The following FXYD6 variants were observed in gnomAD, a reference collection of about 807,000 sequenced individuals.
The protein encoded by FXYD6 is FXYD domain-containing ion transport regulator 6.
In FXYD6, 7 loss-of-function variants were observed where a neutral mutation model predicts 16.7. The ratio of observed to expected loss-of-function variants is 0.42; its 90% CI spans 0.24 to 0.79. The LOEUF (loss-of-function observed/expected upper bound fraction) is 0.79, where lower values mean the gene tolerates loss of function less well. FXYD6 is among the 30% of genes least tolerant of loss of function. FXYD6 has a pLI of 0.28. For synonymous variants in FXYD6, 49 were observed against 43.0 expected, an observed-to-expected ratio of 1.14 and a Z score of -0.54; for missense variants, 111 against 116.2, an observed-to-expected ratio of 0.95 and a Z score of 0.21.
At position 117,842,798 on chromosome 11, in the gene FXYD6, G is replaced by A. The variant is rs2134138113; in HGVS notation, c.-5-17C>T. The A allele has an allele frequency of 6.4e-7, 1 of 1,553,716 alleles. No homozygotes were observed. Among genetic ancestry groups the A allele is most frequent in the Admixed American group, 2.0e-5 (1 of 50,906 alleles). ...CCATGGCGTCTGGGGACAGAGGGAG[G>A]AAAAAATGATTCTCTGGCTAAGAAG... On this transcript the variant is annotated splice_polypyrimidine_tract_variant and intron_variant, in intron 1 of 7. Coordinates refer to ENST00000526014, the MANE Select transcript of FXYD6 (RefSeq NM_022003.4).
At chr11:117,844,534 G>A (rs976734622) in intron 1 of FXYD6, among the ~76,000 whole-genome samples, 8 of 151,652 alleles carry the variant, frequency 5.3e-5, no homozygotes, top group Non-Finnish European at 5.9e-5. Context: ...TCCCTGTGTC[G>A]CCCAGGCTAG....
chr11:117,858,747 T>C (rs1349642895), intron 1 of FXYD6, among the ~76,000 whole-genome samples: 2 of 129,146 alleles, frequency 1.5e-5, no homozygotes, highest in African/African-American at 6.1e-5. Context: ...CTTCCTTCCT[T>C]CCTTCCTTCC....
At chr11:117,847,991 A>G (rs2056512684) in intron 1 of FXYD6, among the ~76,000 whole-genome samples, 1 of 152,116 alleles carries the variant, frequency 6.6e-6, no homozygotes, top group Admixed American at 6.5e-5. Context: ...ACAGTGTAAA[A>G]TGTTCCTATT....
In FXYD6 at chr11:117,839,714, C is replaced by T. The variant is rs2056291780; in HGVS notation, c.*21+67G>A. On this transcript the variant is annotated intron_variant, in intron 7 of 7. Transcript: ENST00000526014. ...GCTAGCCCCATCCTTCCCGCCTGAA[C>T]CCCTGTCCAGGCCCTGATGCAGACG... 5.0e-6 allele frequency: 8 copies of T among 1,598,184 alleles called. No homozygotes were observed. In the East Asian group the frequency reaches 1.8e-4, roughly 36 times the overall value.
intron 1 of FXYD6, among the ~76,000 whole-genome samples, chr11:117,844,480 AT>A (rs1219402369): frequency 6.6e-6 from 1 of 151,760 alleles, no homozygotes; most frequent in Non-Finnish European, 1.5e-5. Flanking sequence ...AAAAATATAT[AT>A]TTTTATTTTT....
chr11:117,838,071 C>G lies in FXYD6; in HGVS notation c.*228G>C. On this transcript the variant is annotated 3_prime_UTR_variant, in exon 8 of 8. Coordinates refer to ENST00000526014, the MANE Select transcript of FXYD6 (RefSeq NM_022003.4). ...CACACACACACACACACACACATCA[C>G]GGGAGGTGGGCAGGACCGCAGGCTG... 3.0e-6 allele frequency: 2 copies of G among 671,784 alleles called. No homozygotes were observed. Among genetic ancestry groups the G allele is most frequent in the South Asian group, 3.2e-5 (2 of 62,492 alleles). 41.6% of individuals were successfully genotyped at this position (671,784 alleles called of 1,614,324 possible).
Position 117,838,233 on chromosome 11 carries a change from A to G in FXYD6, c.*66T>C. ...AAGTGGCCGGTTTTCTTAAGCATCGACATTTGCATCCAAAGGTTCAAGCAG... is the reference window on the plus strand; with the variant it reads ...AAGTGGCCGGTTTTCTTAAGCATCGGCATTTGCATCCAAAGGTTCAAGCAG... On this transcript the variant is annotated 3_prime_UTR_variant, in exon 8 of 8. Transcript: ENST00000526014. 1.4e-6 allele frequency: 1 copy of G among 702,582 alleles called. No homozygotes were observed. The highest frequency in any genetic ancestry group is 2.6e-6 in the Non-Finnish European group (1 of 384,992). The allele number at this position is 702,582 out of a possible 1,614,324, so 43.5% of individuals were successfully genotyped here.
intron 7 of FXYD6, chr11:117,839,336 G>A (rs181143015): frequency 5.7e-6 from 1 of 175,416 alleles, no homozygotes; most frequent in Non-Finnish European, 1.2e-5. Context: ...GAGAGGGAAG[G>A]ATCATATACT....
chr11:117,853,847 G>A (rs1165491156), intron 1 of FXYD6, among the ~76,000 whole-genome samples: 1 of 152,028 alleles, frequency 6.6e-6, no homozygotes, highest in East Asian at 1.9e-4. Context: ...TGTTTGGTGT[G>A]GGGAGAGTAA....
At position 117,872,636 on chromosome 11, in the gene FXYD6, T is replaced by C. The variant is rs1334672249; in HGVS notation, c.-6+3956A>G. Reference sequence around the variant, plus strand: ...TGGCCCTCTCTGCCCACATCAGATATTCTGAGCTGGGGCAGCCCCATTCCC... The same window carrying C: ...TGGCCCTCTCTGCCCACATCAGATACTCTGAGCTGGGGCAGCCCCATTCCC... On this transcript the variant is annotated intron_variant, in intron 1 of 7. Transcript: ENST00000526014. The surrounding 1 kb of genome is among the most constrained non-coding windows in gnomAD (Gnocchi z 4.9). 6.6e-6 allele frequency among the ~76,000 whole-genome samples: 1 copy of C among 152,214 alleles called. No individual in the cohort carries two copies. The highest frequency in any genetic ancestry group is 2.4e-5 in the African/African-American group (1 of 41,444).
At position 117,842,046 on chromosome 11, in the gene FXYD6, T is replaced by C; in HGVS notation, c.59-18A>G. ...TTCAGCTGCTGCAAAAACAAACAGT[T>C]GGTCAAGAGAAAGAAAGCTACACAA... On this transcript the variant is annotated intron_variant, in intron 2 of 7. Coordinates refer to ENST00000526014, the MANE Select transcript of FXYD6 (RefSeq NM_022003.4). 6.2e-7 allele frequency: 1 copy of C among 1,614,104 alleles called. No individual in the cohort carries two copies. Among genetic ancestry groups the C allele is most frequent in the Non-Finnish European group, 8.5e-7 (1 of 1,180,018 alleles).
intron 1 of FXYD6, among the ~76,000 whole-genome samples, chr11:117,875,139 G>C (rs886323716): frequency 6.6e-6 from 1 of 151,970 alleles, no homozygotes; most frequent in Non-Finnish European, 1.5e-5. Flanking sequence ...GCGCATGTAG[G>C]GTGTCAGTGT....
chr11:117,857,086 G>C (rs1555046350), intron 1 of FXYD6, among the ~76,000 whole-genome samples: 1 of 152,224 alleles, frequency 6.6e-6, no homozygotes, highest in Non-Finnish European at 1.5e-5. Flanking sequence ...CCAGGGACAT[G>C]AGAGGGCAGG....
chr11:117,846,670 C>T (rs931159187), intron 1 of FXYD6, among the ~76,000 whole-genome samples: 5 of 152,210 alleles, frequency 3.3e-5, no homozygotes, highest in Admixed American at 6.5e-5. Context: ...TGTCACATAT[C>T]TGATTTCTAT....
At chr11:117,838,325 T>C in intron 7 of FXYD6, 48 bp from the exon 8 acceptor site, 2 of 702,376 alleles carry the variant, frequency 2.8e-6, no homozygotes, top group Non-Finnish European at 5.2e-6. Context: ...CTGCCTCTGG[T>C]ATCCTTATCT....
intron 2 of FXYD6, chr11:117,842,296 A>C: frequency 1.7e-6 from 1 of 586,096 alleles, no homozygotes; most frequent in Non-Finnish European, 3.0e-6. Context: ...TTGTATTCTT[A>C]CATCATCCCC....
upstream of FXYD6, chr11:117,876,724 C>T (rs1463399039): frequency 8.0e-6 from 1 of 125,646 alleles, no homozygotes; most frequent in Non-Finnish European, 1.7e-5. Flanking sequence ...TCCTAGGAGT[C>T]GGGCTGGCTG....
chr11:117,862,486 C>T lies in FXYD6; in HGVS notation c.-6+14106G>A, dbSNP rs745454849. Reference sequence around the variant, plus strand: ...TGTTCCTGGGAGAAAACAACTCACGCCCTTCCCTGGCTACAGGGCCGCTGC... The same window carrying T: ...TGTTCCTGGGAGAAAACAACTCACGTCCTTCCCTGGCTACAGGGCCGCTGC... On this transcript the variant is annotated intron_variant, in intron 1 of 7. Transcript: ENST00000526014. Among the ~76,000 whole-genome samples, 88 of 152,316 alleles carry T rather than the reference C, an allele frequency of 5.8e-4. 1 individual carries two copies. Among genetic ancestry groups the T allele is most frequent in the Middle Eastern group, 6.8e-3 (2 of 294 alleles).
intron 1 of FXYD6, among the ~76,000 whole-genome samples, chr11:117,866,426 A>C (rs928968637): frequency 6.6e-6 from 1 of 152,182 alleles, no homozygotes; most frequent in African/African-American, 2.4e-5. Context: ...ACCCAGGCCA[A>C]GGAAGAATAA....
Sources: allele counts gnomAD v4.1 joint callset (sites outside exome capture counted in the v4.1 genomes callset), GRCh38; gene constraint gnomAD v4.1.1; non-coding constraint Gnocchi (gnomAD v3.1); transcripts MANE v1.5; gene names NCBI Gene and HGNC (gene_info 2026-07-23, HGNC 2026-07-21).